The following DST variants were observed in gnomAD, a reference collection of about 807,000 sequenced individuals.
DST encodes the protein dystonin, also known as bullous pemphigoid antigen.
Under a neutral mutation model 875.2 loss-of-function variants are expected in DST, and 253 were observed. That is an observed-to-expected ratio of 0.29 (90% CI 0.26 to 0.32). The LOEUF (loss-of-function observed/expected upper bound fraction) is 0.32. Ranked by LOEUF, DST falls within the 10% of genes least tolerant of loss-of-function variation. The pLI is 1.00. For synonymous variants in DST, 3,124 were observed against 3,197.1 expected, an observed-to-expected ratio of 0.98 and a Z score of 0.77; for missense variants, 8,287 against 9,111.6, an observed-to-expected ratio of 0.91 and a Z score of 3.68.
intron 4 of DST, among the ~76,000 whole-genome samples, chr6:56,745,821 C>A (rs368123998): frequency 3.9e-5 from 6 of 152,088 alleles, no homozygotes; most frequent in African/African-American, 1.4e-4. Flanking sequence ...AAATGGCCAA[C>A]AAAAATATGG....
At chr6:56,502,722 A>G (rs772047647) in intron 78 of DST, among the ~76,000 whole-genome samples, 4 of 152,150 alleles carry the variant, frequency 2.6e-5, no homozygotes, top group Non-Finnish European at 5.9e-5. Flanking sequence ...TGAACAAATT[A>G]AAGTTAAACA....
At chr6:56,509,941 A>C (rs963131959) in intron 73 of DST, 68 bp from the exon 74 acceptor site, 6 of 1,254,190 alleles carry the variant, frequency 4.8e-6, no homozygotes, top group Non-Finnish European at 6.6e-6. Flanking sequence ...AATTTAAATG[A>C]AAAAACATTT....
intron 9 of DST, among the ~76,000 whole-genome samples, chr6:56,693,852 T>G (rs1291666624): frequency 6.6e-6 from 1 of 152,016 alleles, no homozygotes; most frequent in East Asian, 1.9e-4. Context: ...TAAATGCTTA[T>G]AATTCTCTAA....
intron 49 of DST, among the ~76,000 whole-genome samples, chr6:56,587,742 G>A: frequency 6.6e-6 from 1 of 152,120 alleles, no homozygotes; most frequent in East Asian, 1.9e-4. Context: ...CCAGAAGAGA[G>A]TGGGGGCCAA....
intron 4 of DST, among the ~76,000 whole-genome samples, chr6:56,817,388 TGAA>T (rs1446636594): frequency 6.6e-6 from 1 of 152,208 alleles, no homozygotes; most frequent in Non-Finnish European, 1.5e-5. Flanking sequence ...ACTTTTCAGA[TGAA>T]GAAGACAAAA....
In DST at chr6:56,608,664, A is replaced by G. The variant is rs776051795; in HGVS notation, c.5964T>C (p.Ser1988=). The G allele has an allele frequency of 1.5e-5, 25 of 1,613,222 alleles. No homozygotes were observed. The Admixed American group carries it at 4.2e-4, about 27-fold the overall frequency. The change falls in exon 40 of 104, where the codon AGT becomes AGC. Residue 1988 remains serine (S), a synonymous_variant. Transcript: ENST00000680361. The part of the protein sequence containing the change: ...IDRETMFRLL[S]AQLLSGGLIN... ...TCAGACCTCCAGAAAGAAGCTGTGC[A>G]CTTAACAACCTAAACATGGTTTCAC...
chr6:56,645,044 C>G (rs139060735), intron 15 of DST, among the ~76,000 whole-genome samples: 3 of 152,182 alleles, frequency 2.0e-5, no homozygotes, highest in Non-Finnish European at 4.4e-5. Context: ...GCTCCTCATT[C>G]GCCTTCCACC....
intron 3 of DST, 127 bp from the exon 4 acceptor site, chr6:56,851,731 C>T: frequency 6.4e-7 from 1 of 1,552,194 alleles, no homozygotes; most frequent in Non-Finnish European, 8.7e-7. Flanking sequence ...ATATCCTGCA[C>T]CATCCTCGGA....
chr6:56,833,616 A>G (rs1281839318), intron 4 of DST, among the ~76,000 whole-genome samples: 2 of 152,166 alleles, frequency 1.3e-5, no homozygotes, highest in African/African-American at 4.8e-5. Flanking sequence ...CTACAACAGC[A>G]TATTAGATAC....
chr6:56,821,181 G>C (rs1173032186), intron 4 of DST, among the ~76,000 whole-genome samples: 1 of 152,136 alleles, frequency 6.6e-6, no homozygotes, highest in Admixed American at 6.6e-5. Context: ...AGTCACTCTA[G>C]CTGAAACACA....
chr6:56,799,630 GT>G (rs548400554), intron 4 of DST, among the ~76,000 whole-genome samples: 14 of 142,996 alleles, frequency 9.8e-5, no homozygotes, highest in African/African-American at 2.3e-4. Flanking sequence ...GTTTGGTTTT[GT>G]TTTTTTTTTG....
intron 4 of DST, among the ~76,000 whole-genome samples, chr6:56,802,270 T>A (rs1056756959): frequency 1.3e-5 from 2 of 152,142 alleles, no homozygotes; most frequent in Admixed American, 6.6e-5. Flanking sequence ...TTTTCTGATA[T>A]CCATGGACAA....
chr6:56,629,957 A>G lies in DST; in HGVS notation c.4281+288T>C, dbSNP rs148990152. 3.5e-3 allele frequency among the ~76,000 whole-genome samples: 532 copies of G among 152,306 alleles called. 6 individuals are homozygous for G. The highest frequency in any genetic ancestry group is 0.012 in the African/African-American group (516 of 41,570). The stretch of plus-strand genomic sequence containing the variant: ...TCTTAAATTAACTTCTTTTTCAGCA[A>G]GTTAATCTATTACAAATAATTTAAT... On this transcript the variant is annotated intron_variant, in intron 31 of 103. Transcript: ENST00000680361.
Position 56,694,315 on chromosome 6 carries a change from T to C in DST, c.1047+5338A>G, listed in dbSNP as rs115964647. On this transcript the variant is annotated intron_variant, in intron 9 of 103. Transcript: ENST00000680361. ...TTAATAATTGCCTTTCACTAGGTAG[T>C]CTTTAGACTGATCAAAAGATGGAAC... Among the ~76,000 whole-genome samples the C allele has an allele frequency of 5.6e-3, 859 of 152,170 alleles. 7 individuals carry two copies. The highest frequency in any genetic ancestry group is 0.019 in the African/African-American group (796 of 41,528).
At chr6:56,751,912 G>C (rs2099588282) in intron 4 of DST, among the ~76,000 whole-genome samples, 1 of 152,080 alleles carries the variant, frequency 6.6e-6, no homozygotes, top group Non-Finnish European at 1.5e-5. Flanking sequence ...CACCTGACTA[G>C]AAAAGCTCAA....
intron 80 of DST, among the ~76,000 whole-genome samples, chr6:56,499,697 G>A (rs921029544): frequency 6.6e-6 from 1 of 152,024 alleles, no homozygotes; most frequent in African/African-American, 2.4e-5. Context: ...GAAGTAAGAG[G>A]TCTTTACCTA....
chr6:56,616,151 A>G, intron 36 of DST: 1 of 1,614,168 alleles, frequency 6.2e-7, no homozygotes, highest in Non-Finnish European at 8.5e-7. Context: ...TTTCTTGGGG[A>G]CTAACCGGCT....
chr6:56,831,575 T>A (rs2099787080), intron 4 of DST, among the ~76,000 whole-genome samples: 1 of 152,106 alleles, frequency 6.6e-6, no homozygotes. Flanking sequence ...AGCACTCACA[T>A]ATAATGAGTG....
At chr6:56,725,992 C>T (rs2099454821) in intron 5 of DST, among the ~76,000 whole-genome samples, 1 of 152,010 alleles carries the variant, frequency 6.6e-6, no homozygotes, top group African/African-American at 2.4e-5. Context: ...CAAACAACAG[C>T]ATCAGAATAT....
Sources: gnomAD v4.1 joint callset for allele counts (sites outside exome capture counted in the v4.1 genomes callset) on GRCh38, gnomAD v4.1.1 for gene constraint, MANE v1.5 for transcripts, NCBI Gene and HGNC (gene_info 2026-07-23, HGNC 2026-07-21) for gene names.